The following CCDC85A variants were observed in gnomAD, a reference collection of about 807,000 sequenced individuals.
The protein encoded by CCDC85A is coiled-coil domain containing 85A.
A neutral mutation model predicts 50.2 loss-of-function variants in CCDC85A; 38 were observed. The observed-to-expected ratio is 0.76, with a 90% confidence interval of 0.58 to 0.99. The LOEUF (loss-of-function observed/expected upper bound fraction) is 0.99. Ranked by LOEUF, CCDC85A falls within the 50% of genes least tolerant of loss-of-function variation. The probability of loss-of-function intolerance (pLI) is 0.00; values close to 1 mark genes in which losing one functional copy is unlikely to be tolerated. For synonymous variants in CCDC85A, 366 were observed against 301.4 expected, an observed-to-expected ratio of 1.21 and a Z score of -2.22; for missense variants, 820 against 742.0, an observed-to-expected ratio of 1.11 and a Z score of -1.22.
At chr2:56,349,391 G>C (rs1674792363) in intron 3 of CCDC85A, among the ~76,000 whole-genome samples, 1 of 152,116 alleles carries the variant, frequency 6.6e-6, no homozygotes, top group Non-Finnish European at 1.5e-5. Context: ...GAATAAAAGA[G>C]ATAATTAGAT....
At chr2:56,352,756 G>C (rs748983969) in intron 3 of CCDC85A, among the ~76,000 whole-genome samples, 3 of 152,222 alleles carry the variant, frequency 2.0e-5, no homozygotes, top group Non-Finnish European at 4.4e-5. Flanking sequence ...GACTCTGATA[G>C]TAATTCGGAG....
intron 1 of CCDC85A, among the ~76,000 whole-genome samples, chr2:56,189,597 G>T (rs1676211947): frequency 6.6e-6 from 1 of 152,008 alleles, no homozygotes; most frequent in Non-Finnish European, 1.5e-5. Flanking sequence ...AGGTGTTGTT[G>T]TTTTTTGTTT....
At chr2:56,352,517 T>C (rs1427668704) in intron 3 of CCDC85A, among the ~76,000 whole-genome samples, 1 of 152,150 alleles carries the variant, frequency 6.6e-6, no homozygotes, top group African/African-American at 2.4e-5. Context: ...AGCTAATTTT[T>C]GCATTTTTAA....
intron 2 of CCDC85A, among the ~76,000 whole-genome samples, chr2:56,240,233 G>C (rs562314193): frequency 4.1e-4 from 63 of 152,198 alleles, no homozygotes; most frequent in East Asian, 7.7e-4. Flanking sequence ...TTTGCATAGG[G>C]TATAACTTTG....
At chr2:56,309,078 A>G (rs1672571864) in intron 2 of CCDC85A, among the ~76,000 whole-genome samples, 2 of 152,300 alleles carry the variant, frequency 1.3e-5, no homozygotes, top group Non-Finnish European at 2.9e-5. Flanking sequence ...TTAATACGAT[A>G]GTTCTGCTGT....
intron 2 of CCDC85A, among the ~76,000 whole-genome samples, chr2:56,234,391 C>T (rs1458426403): frequency 6.6e-6 from 1 of 152,176 alleles, no homozygotes; most frequent in Non-Finnish European, 1.5e-5. Context: ...AGCAGAAACT[C>T]AGTGAATAGC....
chr2:56,283,258 C>T (rs1048896620), intron 2 of CCDC85A, among the ~76,000 whole-genome samples: 1 of 152,136 alleles, frequency 6.6e-6, no homozygotes, highest in African/African-American at 2.4e-5. Flanking sequence ...TTACTTGTCA[C>T]TTTTTGTAGA....
At chr2:56,383,203 G>T (rs1376833969) in intron 5 of CCDC85A, among the ~76,000 whole-genome samples, 1 of 151,854 alleles carries the variant, frequency 6.6e-6, no homozygotes, top group Non-Finnish European at 1.5e-5. Context: ...AAGGATATTG[G>T]GTTTCCCTGT....
chr2:56,220,101 G>C (rs1330409235), intron 2 of CCDC85A, among the ~76,000 whole-genome samples: 1 of 152,000 alleles, frequency 6.6e-6, no homozygotes, highest in East Asian at 1.9e-4. Flanking sequence ...AGAGGGAACA[G>C]TATGCATGCA....
chr2:56,367,129 A>G (rs1309066010), intron 3 of CCDC85A, among the ~76,000 whole-genome samples: 2 of 152,000 alleles, frequency 1.3e-5, no homozygotes, highest in Non-Finnish European at 2.9e-5. Flanking sequence ...TGTATTCTCT[A>G]TGTGGGACTG....
At chr2:56,318,945 TC>T (rs1239986758) in intron 2 of CCDC85A, among the ~76,000 whole-genome samples, 2 of 152,058 alleles carry the variant, frequency 1.3e-5, no homozygotes, top group African/African-American at 4.8e-5. Flanking sequence ...GTCTGAAGAC[TC>T]TGTGGGCTGC....
intron 2 of CCDC85A, among the ~76,000 whole-genome samples, chr2:56,207,988 T>C (rs969280037): frequency 1.8e-4 from 28 of 152,288 alleles, no homozygotes; most frequent in African/African-American, 6.7e-4. Context: ...AATTGTGACA[T>C]CAGTAGATTG....
At chr2:56,234,841 T>C (rs1668936133) in intron 2 of CCDC85A, among the ~76,000 whole-genome samples, 2 of 152,228 alleles carry the variant, frequency 1.3e-5, no homozygotes, top group South Asian at 4.1e-4. Context: ...CACTATGTTT[T>C]AATTATTTGT....
chr2:56,199,763 T>G (rs1300583590), intron 2 of CCDC85A, among the ~76,000 whole-genome samples: 1 of 152,238 alleles, frequency 6.6e-6, no homozygotes. Flanking sequence ...GAAATGTGTT[T>G]AAAATAAATA....
intron 3 of CCDC85A, among the ~76,000 whole-genome samples, chr2:56,345,467 G>T (rs1643767531): frequency 1.3e-5 from 2 of 152,204 alleles, no homozygotes; most frequent in Admixed American, 1.3e-4. Context: ...GAAATATGCT[G>T]TTGGACATAT....
At chr2:56,277,797 A>G (rs572729198) in intron 2 of CCDC85A, among the ~76,000 whole-genome samples, 2 of 152,332 alleles carry the variant, frequency 1.3e-5, no homozygotes, top group East Asian at 3.9e-4. Flanking sequence ...TTCTTGGAAA[A>G]TGCCATAATG....
intron 5 of CCDC85A, among the ~76,000 whole-genome samples, chr2:56,380,565 A>C (rs1676536003): frequency 6.6e-6 from 1 of 151,936 alleles, no homozygotes; most frequent in Admixed American, 6.6e-5. Flanking sequence ...GTCTCAAAAA[A>C]AAAAACAACA....
intron 2 of CCDC85A, among the ~76,000 whole-genome samples, chr2:56,288,862 G>A (rs1158231280): frequency 6.6e-6 from 1 of 152,198 alleles, no homozygotes; most frequent in East Asian, 1.9e-4. Flanking sequence ...TGGTTCACAT[G>A]ACTTGTGTTG....
At chr2:56,362,701 C>G (rs1050926760) in intron 3 of CCDC85A, among the ~76,000 whole-genome samples, 2 of 152,118 alleles carry the variant, frequency 1.3e-5, no homozygotes, top group East Asian at 3.8e-4. Context: ...TCATTGCAAC[C>G]TCTGCAACCT....
Sources: allele counts gnomAD v4.1 joint callset (sites outside exome capture counted in the v4.1 genomes callset), GRCh38; gene constraint gnomAD v4.1.1; transcripts MANE v1.5; gene names NCBI Gene and HGNC (gene_info 2026-07-23, HGNC 2026-07-21).